Variants in CNTNAP2 observed in about 807,000 individuals in gnomAD.
CNTNAP2 encodes the protein contactin associated protein 2.
Under a neutral mutation model 155.2 loss-of-function variants are expected in CNTNAP2, and 98 were observed. The observed-to-expected ratio is 0.63, with a 90% CI of 0.54 to 0.75. The LOEUF (loss-of-function observed/expected upper bound fraction) is 0.75, where lower values mean the gene tolerates loss of function less well. CNTNAP2 is among the 30% of genes least tolerant of loss of function. The pLI, the probability that CNTNAP2 is intolerant of heterozygous loss-of-function variation, is 0.00. For missense variants in CNTNAP2, 1,727 were observed against 1,688.1 expected (o/e 1.02, Z -0.40); for synonymous variants, 651 against 631.2 (o/e 1.03, Z -0.47).
intron 8 of CNTNAP2, among the ~76,000 whole-genome samples, chr7:147,161,110 A>T (rs1802015473): frequency 6.6e-6 from 1 of 152,164 alleles, no homozygotes; most frequent in Admixed American, 6.6e-5. Context: ...AGAGGAGATA[A>T]TGAGGTCTCC....
At chr7:146,842,095 C>G (rs1803738981) in intron 3 of CNTNAP2, among the ~76,000 whole-genome samples, 1 of 152,042 alleles carries the variant, frequency 6.6e-6, no homozygotes, top group Non-Finnish European at 1.5e-5. Context: ...CCAGGTTGGT[C>G]AGTCTGCTCT....
intron 13 of CNTNAP2, among the ~76,000 whole-genome samples, chr7:147,676,618 A>G (rs1390787381): frequency 5.3e-5 from 8 of 151,856 alleles, no homozygotes; most frequent in Admixed American, 4.6e-4. Flanking sequence ...CTCCTATCTA[A>G]TTGAAATTTC....
At chr7:148,301,464 C>A (rs559503247) in intron 21 of CNTNAP2, among the ~76,000 whole-genome samples, 11 of 151,854 alleles carry the variant, frequency 7.2e-5, no homozygotes, top group African/African-American at 2.7e-4. Flanking sequence ...TCCAAGGATG[C>A]ATTCAACTCT....
intron 14 of CNTNAP2, among the ~76,000 whole-genome samples, chr7:147,953,382 C>T (rs554643334): frequency 6.6e-6 from 1 of 152,246 alleles, no homozygotes; most frequent in South Asian, 2.1e-4. Context: ...ATCCAGGTAG[C>T]CACAGATGCT....
At chr7:146,709,334 T>C (rs938173740) in intron 1 of CNTNAP2, among the ~76,000 whole-genome samples, 5 of 152,156 alleles carry the variant, frequency 3.3e-5, no homozygotes, top group African/African-American at 1.2e-4. Flanking sequence ...ATGAAAGCAA[T>C]TGTAGTTCTA....
intron 1 of CNTNAP2, among the ~76,000 whole-genome samples, chr7:146,707,661 C>A (rs570471747): frequency 4.6e-5 from 7 of 152,252 alleles, no homozygotes; most frequent in African/African-American, 1.7e-4. Context: ...TCAACATGAC[C>A]TTTGAAATGG....
At chr7:147,066,926 G>C (rs1055850458) in intron 4 of CNTNAP2, among the ~76,000 whole-genome samples, 1 of 152,164 alleles carries the variant, frequency 6.6e-6, no homozygotes, top group Admixed American at 6.6e-5. Context: ...CCCTGTACAA[G>C]GTTGCAGACT....
intron 1 of CNTNAP2, among the ~76,000 whole-genome samples, chr7:146,756,074 A>G (rs11769636): frequency 0.034 from 5,181 of 152,072 alleles, 235 homozygotes; most frequent in African/African-American, 0.11. Context: ...ATTTTCTATG[A>G]AAATAGAAAC....
chr7:147,767,185 A>G (rs1797394377), intron 13 of CNTNAP2, among the ~76,000 whole-genome samples: 1 of 152,116 alleles, frequency 6.6e-6, no homozygotes, highest in Non-Finnish European at 1.5e-5. Context: ...ACATTTGTAA[A>G]GTACAATATG....
intron 1 of CNTNAP2, among the ~76,000 whole-genome samples, chr7:146,207,524 T>G (rs536471617): frequency 6.6e-6 from 1 of 152,110 alleles, no homozygotes; most frequent in East Asian, 1.9e-4. Flanking sequence ...TTCCATCAGT[T>G]TTAGTTGAAT....
At chr7:147,680,459 A>G (rs1039430040) in intron 13 of CNTNAP2, among the ~76,000 whole-genome samples, 1 of 151,968 alleles carries the variant, frequency 6.6e-6, no homozygotes, top group Non-Finnish European at 1.5e-5. Context: ...TGTCCTGGGC[A>G]TGGACCAGAA....
intron 3 of CNTNAP2, among the ~76,000 whole-genome samples, chr7:146,964,910 C>G (rs1797626089): frequency 9.4e-6 from 1 of 106,174 alleles, no homozygotes; most frequent in South Asian, 3.2e-4. Context: ...AGTTGACCAA[C>G]CCCTAATGTA....
intron 3 of CNTNAP2, among the ~76,000 whole-genome samples, chr7:146,986,617 G>C (rs1046311303): frequency 1.3e-5 from 2 of 152,030 alleles, no homozygotes; most frequent in Admixed American, 1.3e-4. Context: ...TTACATTCCC[G>C]CTAGCAGTGT....
chr7:146,549,003 G>T (rs1798074546), intron 1 of CNTNAP2, among the ~76,000 whole-genome samples: 1 of 150,596 alleles, frequency 6.6e-6, no homozygotes, highest in Admixed American at 6.6e-5. Flanking sequence ...CTTAATTTGG[G>T]ACTTTAATTC....
chr7:147,899,024 C>T (rs528333693), intron 13 of CNTNAP2, among the ~76,000 whole-genome samples: 3 of 152,258 alleles, frequency 2.0e-5, no homozygotes, highest in African/African-American at 7.2e-5. Context: ...TTATATGACT[C>T]TGCTTATATG....
intron 8 of CNTNAP2, among the ~76,000 whole-genome samples, chr7:147,234,767 G>C (rs1399516026): frequency 6.6e-6 from 1 of 152,056 alleles, no homozygotes; most frequent in South Asian, 2.1e-4. Flanking sequence ...AAATTTTATC[G>C]ATGAGGCCGT....
At chr7:147,189,067 G>T (rs987420) in intron 8 of CNTNAP2, among the ~76,000 whole-genome samples, 1 of 152,026 alleles carries the variant, frequency 6.6e-6, no homozygotes, top group Non-Finnish European at 1.5e-5. Flanking sequence ...TTGACAACTT[G>T]TCAGGCACCT....
chr7:146,141,055 A>G (rs749701884), intron 1 of CNTNAP2, among the ~76,000 whole-genome samples: 54 of 152,212 alleles, frequency 3.5e-4, no homozygotes, highest in Admixed American at 7.2e-4. Flanking sequence ...AGTATATTGC[A>G]TAGTTTTAAT....
intron 12 of CNTNAP2, among the ~76,000 whole-genome samples, chr7:147,622,029 A>G (rs1794867706): frequency 6.6e-6 from 1 of 152,084 alleles, no homozygotes; most frequent in Non-Finnish European, 1.5e-5. Flanking sequence ...AAACTATAAT[A>G]AGACACAAAG....
Sources: allele counts gnomAD v4.1 joint callset (sites outside exome capture counted in the v4.1 genomes callset), GRCh38; gene constraint gnomAD v4.1.1; transcripts MANE v1.5; gene names NCBI Gene and HGNC (gene_info 2026-07-23, HGNC 2026-07-21).